The following BCAS1 variants were observed in gnomAD, a reference collection of about 807,000 sequenced individuals.
The protein encoded by BCAS1 is brain enriched myelin associated protein 1, also known as breast carcinoma-amplified sequence 1.
Under a neutral mutation model 65.4 loss-of-function variants are expected in BCAS1, and 46 were observed. That is an observed-to-expected ratio of 0.70 (90% CI 0.55 to 0.90). The LOEUF (loss-of-function observed/expected upper bound fraction) is 0.90. Among genes scored for constraint, BCAS1 ranks in the 40% least tolerant of loss-of-function variants. The pLI is 0.00. For synonymous variants in BCAS1, 298 were observed against 293.5 expected (o/e 1.02, Z -0.16); for missense variants, 793 against 771.2 (o/e 1.03, Z -0.33).
chr20:53,961,219 A>G (rs957260531), intron 10 of BCAS1, among the ~76,000 whole-genome samples: 6 of 152,250 alleles, frequency 3.9e-5, no homozygotes, highest in African/African-American at 1.4e-4. Context: ...TGGTCAGTTC[A>G]CATTTCTTTG....
Position 53,971,504 on chromosome 20 carries a change from T to C in BCAS1, c.1317+3885A>G, listed in dbSNP as rs144578888. On this transcript the variant is annotated intron_variant, in intron 9 of 12. Transcript: ENST00000688948. Reference sequence around the variant, plus strand: ...CTGGCAAAAGCTGACGAATACAGCATGTGAATGCATTTCAGTCAGTGAAAC... The same window carrying C: ...CTGGCAAAAGCTGACGAATACAGCACGTGAATGCATTTCAGTCAGTGAAAC... Among the ~76,000 whole-genome samples, 392 of 152,350 alleles carry C rather than the reference T, an allele frequency of 2.6e-3. 2 individuals are homozygous for C. The highest frequency in any genetic ancestry group is 9.2e-3 in the African/African-American group (381 of 41,582).
At chr20:53,996,215 C>T (rs2090905488) in intron 4 of BCAS1, among the ~76,000 whole-genome samples, 165 bp from the exon 5 acceptor site, 1 of 152,126 alleles carries the variant, frequency 6.6e-6, no homozygotes, top group Non-Finnish European at 1.5e-5. Flanking sequence ...ACTCTTCCTT[C>T]CCTCCCCCTC....
intron 12 of BCAS1, among the ~76,000 whole-genome samples, chr20:53,951,485 A>C (rs945700807): frequency 1.3e-5 from 2 of 152,166 alleles, no homozygotes; most frequent in African/African-American, 4.8e-5. Flanking sequence ...AAAACAAAAG[A>C]AGTAAACTAC....
intron 6 of BCAS1, among the ~76,000 whole-genome samples, 155 bp downstream of exon 6, chr20:53,994,857 C>T (rs1201510144): frequency 6.6e-6 from 1 of 150,900 alleles, no homozygotes; most frequent in African/African-American, 2.4e-5. Flanking sequence ...CCTAACAGCA[C>T]TATTAAATTG....
chr20:53,953,731 C>T, intron 11 of BCAS1, 36 bp from the exon 12 acceptor site: 1 of 1,593,304 alleles, frequency 6.3e-7, no homozygotes, highest in Non-Finnish European at 8.6e-7. Context: ...TTTTTAGTGG[C>T]TGCAGGACAA....
At chr20:53,991,994 T>G (rs2090773366) in intron 7 of BCAS1, among the ~76,000 whole-genome samples, 1 of 152,194 alleles carries the variant, frequency 6.6e-6, no homozygotes, top group South Asian at 2.1e-4. Context: ...CATTGGCCAA[T>G]TAATCACCTT....
At chr20:53,953,242 C>G (rs73137770) in intron 12 of BCAS1, among the ~76,000 whole-genome samples, 190 bp downstream of exon 12, 1,709 of 152,254 alleles carry the variant, frequency 0.011, 11 homozygotes, top group Middle Eastern at 0.044. Flanking sequence ...ATAATTTGCT[C>G]AAGGTCTCAG....
At chr20:53,997,014 TTCCA>T (rs1395364708) in intron 4 of BCAS1, among the ~76,000 whole-genome samples, 2 of 152,240 alleles carry the variant, frequency 1.3e-5, no homozygotes, top group African/African-American at 4.8e-5. Context: ...CGTAGGTAAT[TTCCA>T]TCCATCCTTA....
At chr20:54,026,832 CTG>C (rs2091683392) in intron 4 of BCAS1, among the ~76,000 whole-genome samples, 1 of 152,266 alleles carries the variant, frequency 6.6e-6, no homozygotes, top group African/African-American at 2.4e-5. Flanking sequence ...CCCAGTTCTC[CTG>C]GCATCTGGCA....
chr20:53,960,469 TAAAAAAAA>T (rs11467629), intron 10 of BCAS1, among the ~76,000 whole-genome samples: 1 of 63,090 alleles, frequency 1.6e-5, no homozygotes, highest in Non-Finnish European at 2.9e-5. Context: ...TTCAACTTCT[TAAAAAAAA>T]AAAAAAAAAA....
chr20:54,029,123 C>G (rs1163232004), intron 3 of BCAS1, 151 bp from the exon 4 acceptor site: 33 of 1,434,906 alleles, frequency 2.3e-5, no homozygotes, highest in Non-Finnish European at 3.0e-5. Flanking sequence ...AGTTAGCTCT[C>G]TACATCTCCT....
chr20:53,986,567 A>C (rs960571886), intron 7 of BCAS1, among the ~76,000 whole-genome samples: 2 of 152,138 alleles, frequency 1.3e-5, no homozygotes, highest in East Asian at 1.9e-4. Flanking sequence ...TCCTTGAATA[A>C]ATTTTCTGAC....
At position 54,057,998 on chromosome 20, in the gene BCAS1, ATT is replaced by A. The variant is rs796265852; in HGVS notation, c.142+85_142+86del. 7.8e-3 allele frequency: 6,300 copies of A among 807,164 alleles called. 13 individuals are homozygous for A. The highest frequency in any genetic ancestry group is 0.027 in the African/African-American group (1,437 of 53,794). The allele number at this position is 807,164 out of a possible 1,614,324, so 50.0% of individuals were successfully genotyped here. ...CTGAGCCTGCGGCTTCGACCCTTTC[ATT>A]TTTTTTTTTTTTTCACCGTAAACAG... On this transcript the variant is annotated intron_variant, in intron 3 of 12. Coordinates refer to ENST00000688948, the MANE Select transcript of BCAS1 (RefSeq NM_001366298.2).
intron 3 of BCAS1, among the ~76,000 whole-genome samples, chr20:54,036,906 A>C (rs1439569531): frequency 1.3e-5 from 2 of 151,378 alleles, no homozygotes; most frequent in South Asian, 2.1e-4. Context: ...GGGCCAGGCA[A>C]GTTTCAGAAA....
chr20:54,040,178 T>C (rs1419914499), intron 3 of BCAS1, among the ~76,000 whole-genome samples: 1 of 151,514 alleles, frequency 6.6e-6, no homozygotes, highest in Admixed American at 6.6e-5. Flanking sequence ...TTCTATAGAA[T>C]AGAGGCACAG....
At chr20:53,947,791 C>T (rs1323225102) in intron 12 of BCAS1, among the ~76,000 whole-genome samples, 10 of 152,308 alleles carry the variant, frequency 6.6e-5, no homozygotes, top group Admixed American at 3.9e-4. Flanking sequence ...AGAGCACAAA[C>T]TCCCCATGGC....
intron 3 of BCAS1, among the ~76,000 whole-genome samples, chr20:54,029,993 A>C (rs779797211): frequency 6.6e-6 from 1 of 152,212 alleles, no homozygotes; most frequent in Non-Finnish European, 1.5e-5. Context: ...AAGAAGGCAA[A>C]TTAGACCTCA....
At chr20:54,017,738 G>C (rs1203395130) in intron 4 of BCAS1, among the ~76,000 whole-genome samples, 2 of 152,180 alleles carry the variant, frequency 1.3e-5, no homozygotes, top group Non-Finnish European at 1.5e-5. Context: ...TGCAGGCAGA[G>C]TGAGTGAAGA....
Position 54,039,329 on chromosome 20 carries a change from A to G in BCAS1, c.143-10357T>C, listed in dbSNP as rs377084002. Among the ~76,000 whole-genome samples, 18 of 151,618 alleles carry G rather than the reference A, an allele frequency of 1.2e-4. 1 individual carries two copies. Among genetic ancestry groups the G allele is most frequent in the East Asian group, 3.8e-4 (2 of 5,196 alleles). ...TTTGCCAAGAAATTCTAGCATAAAT[A>G]AAAGAAAAGGATGGGATTTTGGAAC... On this transcript the variant is annotated intron_variant, in intron 3 of 12. Coordinates refer to ENST00000688948, the MANE Select transcript of BCAS1 (RefSeq NM_001366298.2).
Sources: allele counts gnomAD v4.1 joint callset (sites outside exome capture counted in the v4.1 genomes callset), GRCh38; gene constraint gnomAD v4.1.1; transcripts MANE v1.5; gene names NCBI Gene and HGNC (gene_info 2026-07-23, HGNC 2026-07-21).